The following CPLX1 variants were observed in gnomAD, a reference collection of about 807,000 sequenced individuals.
The protein encoded by CPLX1 is complexin 1, also known as complexin-1.
CPLX1 carries 6 observed loss-of-function variants against 15.6 expected under a neutral mutation model. The ratio of observed to expected loss-of-function variants is 0.39; its 90% confidence interval spans 0.21 to 0.76. CPLX1 has a LOEUF of 0.76. CPLX1 is among the 30% of genes least tolerant of loss of function. CPLX1 has a pLI of 0.43. For missense variants in CPLX1, 242 were observed against 188.6 expected, an observed-to-expected ratio of 1.28 and a Z score of -1.66; for synonymous variants, 91 against 75.2, an observed-to-expected ratio of 1.21 and a Z score of -1.08.
In CPLX1 at chr4:800,814, TATATAA is replaced by T. The variant is rs1221645929; in HGVS notation, c.32-8212_32-8207del. On this transcript the variant is annotated intron_variant, in intron 2 of 3. Transcript: ENST00000304062. ...GTATATACATACACACACGTATGTA[TATATAA>T]ATATATGTGTGTGTGTGTGTATATA... Among the ~76,000 whole-genome samples, 8 of 148,930 alleles carry T rather than the reference TATATAA, an allele frequency of 5.4e-5. No individual in the cohort carries two copies. In the East Asian group the frequency reaches 1.2e-3, roughly 22 times the overall value.
At chr4:799,583 C>G (rs1181358648) in intron 2 of CPLX1, among the ~76,000 whole-genome samples, 1 of 152,200 alleles carries the variant, frequency 6.6e-6, no homozygotes, top group Non-Finnish European at 1.5e-5. Flanking sequence ...CCTCTGTAGG[C>G]TGGGCATGGT....
intron 2 of CPLX1, among the ~76,000 whole-genome samples, chr4:805,089 G>T (rs1485969716): frequency 6.6e-6 from 1 of 152,254 alleles, no homozygotes; most frequent in Non-Finnish European, 1.5e-5. Flanking sequence ...TGGGCGTGTG[G>T]CCATACGCCC....
intron 3 of CPLX1, chr4:786,932 A>C: frequency 2.0e-6 from 2 of 978,640 alleles, no homozygotes; most frequent in Non-Finnish European, 2.4e-6. Context: ...GGGAGCAGGG[A>C]GGGGGAGGCT....
chr4:822,797 C>T (rs1371033101), intron 2 of CPLX1, among the ~76,000 whole-genome samples: 1 of 152,168 alleles, frequency 6.6e-6, no homozygotes, highest in Admixed American at 6.5e-5. Context: ...GGGACAGAGG[C>T]GCAGAGGCAG....
At chr4:825,615 G>A (rs1202656569) in intron 1 of CPLX1, among the ~76,000 whole-genome samples, 3 of 151,920 alleles carry the variant, frequency 2.0e-5, no homozygotes, top group Non-Finnish European at 4.4e-5. Flanking sequence ...AAGAAAGAGG[G>A]CGAGGGAGGA....
chr4:796,182 A>G (rs1032676392), intron 2 of CPLX1, among the ~76,000 whole-genome samples: 3 of 152,216 alleles, frequency 2.0e-5, no homozygotes, highest in African/African-American at 7.2e-5. Flanking sequence ...TACATCCATT[A>G]AAGTTGATTT....
At chr4:823,207 G>A (rs1444020752) in intron 2 of CPLX1, among the ~76,000 whole-genome samples, 1 of 152,200 alleles carries the variant, frequency 6.6e-6, no homozygotes, top group Non-Finnish European at 1.5e-5. Flanking sequence ...ATGCAGGCTT[G>A]TCCCTGAATC....
At chr4:804,627 G>C (rs1329182890) in intron 2 of CPLX1, 2 of 542,616 alleles carry the variant, frequency 3.7e-6, no homozygotes, top group Non-Finnish European at 4.7e-6. Context: ...ATGTAATCCG[G>C]ATCGCACCTT....
chr4:810,283 T>C (rs1746642594), intron 2 of CPLX1, among the ~76,000 whole-genome samples: 1 of 151,928 alleles, frequency 6.6e-6, no homozygotes, highest in Non-Finnish European at 1.5e-5. Flanking sequence ...TCTCCTGACC[T>C]CGTGATCCAC....
intron 1 of CPLX1, among the ~76,000 whole-genome samples, chr4:825,541 AC>A (rs1472458430): frequency 1.3e-5 from 2 of 151,708 alleles, no homozygotes; most frequent in Non-Finnish European, 2.9e-5. Context: ...GCCCCGCCGC[AC>A]CCGCACCCCT....
In CPLX1 at chr4:786,426, G is replaced by C; in HGVS notation, c.*75C>G. On this transcript the variant is annotated 3_prime_UTR_variant, in exon 4 of 4. Coordinates refer to ENST00000304062, the MANE Select transcript of CPLX1 (RefSeq NM_006651.4). The stretch of plus-strand genomic sequence containing the variant: ...TCGGCGTGGGGGCTGCGCTCTGCTC[G>C]TCCCTCAGGGGCCTCCGCGGAGGAT... 4.2e-6 allele frequency: 6 copies of C among 1,443,948 alleles called. No homozygotes were observed. Among genetic ancestry groups the C allele is most frequent in the Non-Finnish European group, 5.5e-6 (6 of 1,085,334 alleles). The allele number at this position is 1,443,948 out of a possible 1,614,324, so 89.4% of individuals were successfully genotyped here. A position where few individuals can be genotyped will look rare whatever the true frequency, so the allele number is the denominator to read the frequency against.
intron 2 of CPLX1, among the ~76,000 whole-genome samples, chr4:815,208 C>T (rs1174868774): frequency 6.6e-6 from 1 of 151,964 alleles, no homozygotes; most frequent in East Asian, 1.9e-4. Context: ...GTCAGGAGTT[C>T]AAGACTAGCC....
At chr4:811,870 G>A (rs188590838) in intron 2 of CPLX1, among the ~76,000 whole-genome samples, 15 of 152,238 alleles carry the variant, frequency 9.9e-5, no homozygotes, top group African/African-American at 3.6e-4. Flanking sequence ...GACGTATGTT[G>A]GAACTCAGCT....
intron 2 of CPLX1, among the ~76,000 whole-genome samples, chr4:813,633 GA>G (rs1054436289): frequency 2.0e-5 from 3 of 152,326 alleles, no homozygotes; most frequent in Non-Finnish European, 2.9e-5. Context: ...CTAAAGGGCA[GA>G]AGTGATTCCT....
At chr4:806,929 G>C (rs1236570838) in intron 2 of CPLX1, among the ~76,000 whole-genome samples, 1 of 152,204 alleles carries the variant, frequency 6.6e-6, no homozygotes. Flanking sequence ...ATTCCTCAGA[G>C]ACCTAGAACC....
intron 2 of CPLX1, among the ~76,000 whole-genome samples, chr4:801,225 G>A (rs983128261): frequency 6.6e-6 from 1 of 151,856 alleles, no homozygotes; most frequent in Admixed American, 6.6e-5. Context: ...GGGAGGCTGA[G>A]GCAGGAGAAT....
Position 824,480 on chromosome 4 carries a change from C to T in CPLX1, c.31+12G>A. On this transcript the variant is annotated intron_variant, in intron 2 of 3. Coordinates refer to ENST00000304062, the MANE Select transcript of CPLX1 (RefSeq NM_006651.4). ...CCCTCAGCCCCTCCCCACCCCACCTCCCGCTTCCTACCTCCTAGAGCCTGC... is the reference window on the plus strand; with the variant it reads ...CCCTCAGCCCCTCCCCACCCCACCTTCCGCTTCCTACCTCCTAGAGCCTGC... 2 of 1,611,896 alleles carry T rather than the reference C, an allele frequency of 1.2e-6. No homozygotes were observed. The highest frequency in any genetic ancestry group is 1.7e-6 in the Non-Finnish European group (2 of 1,178,922).
intron 2 of CPLX1, among the ~76,000 whole-genome samples, chr4:815,719 T>A: frequency 6.6e-6 from 1 of 152,204 alleles, no homozygotes; most frequent in East Asian, 1.9e-4. Flanking sequence ...TGTAACAGGT[T>A]TCACAGGTCA....
intron 2 of CPLX1, among the ~76,000 whole-genome samples, chr4:816,970 G>A (rs1372040479): frequency 2.0e-5 from 3 of 152,126 alleles, no homozygotes; most frequent in Admixed American, 1.3e-4. Flanking sequence ...CAAAGAGCAC[G>A]CACATTCCAA....
Sources: allele counts gnomAD v4.1 joint callset (sites outside exome capture counted in the v4.1 genomes callset), GRCh38; gene constraint gnomAD v4.1.1; transcripts MANE v1.5; gene names NCBI Gene and HGNC (gene_info 2026-07-23, HGNC 2026-07-21).